The following WAPL variants were observed in gnomAD, a reference collection of about 807,000 sequenced individuals.
WAPL encodes WAPL cohesin release factor.
WAPL carries 5 observed loss-of-function variants against 121.0 expected under a neutral mutation model. That is an observed-to-expected ratio of 0.04 (90% CI 0.02 to 0.09). The LOEUF (loss-of-function observed/expected upper bound fraction) is 0.09. WAPL is among the 10% of genes least tolerant of loss of function. The probability of loss-of-function intolerance (pLI) is 1.00; values close to 1 mark genes in which losing one functional copy is unlikely to be tolerated. For synonymous variants in WAPL, 480 were observed against 481.5 expected (o/e 1.00, Z 0.04); for missense variants, 999 against 1,410.8 (o/e 0.71, Z 4.68).
rs188309048 is a variant in WAPL, at chr10:86,455,970, T to C, written c.2658-2139A>G. On this transcript the variant is annotated intron_variant, in intron 12 of 18. Coordinates refer to ENST00000298767, the MANE Select transcript of WAPL (RefSeq NM_015045.5). ...ACTCTTTATCAGAACTATGAGTCTT[T>C]TTCGCAAGAGAAATTGGATTTACTA... Among the ~76,000 whole-genome samples the C allele has an allele frequency of 2.8e-3, 427 of 152,312 alleles. 2 individuals are homozygous for C. Among genetic ancestry groups the C allele is most frequent in the Middle Eastern group, 0.02 (6 of 294 alleles).
intron 4 of WAPL, among the ~76,000 whole-genome samples, chr10:86,481,311 A>T (rs1841778156): frequency 6.6e-6 from 1 of 152,228 alleles, no homozygotes; most frequent in South Asian, 2.1e-4. Context: ...AAGAAATATT[A>T]CTAAATTTTA....
intron 4 of WAPL, among the ~76,000 whole-genome samples, chr10:86,482,995 G>A (rs188548451): frequency 9.5e-4 from 144 of 152,268 alleles, no homozygotes; most frequent in Non-Finnish European, 1.8e-3. Context: ...ATATGTAACG[G>A]TGGTCTCATA....
intron 2 of WAPL, among the ~76,000 whole-genome samples, chr10:86,501,129 A>G (rs549630170): frequency 6.6e-6 from 1 of 152,238 alleles, no homozygotes; most frequent in Non-Finnish European, 1.5e-5. Flanking sequence ...AAACCAACTG[A>G]ACAGTTAATA....
At chr10:86,493,825 G>T (rs1422421246) in intron 4 of WAPL, among the ~76,000 whole-genome samples, 1 of 152,034 alleles carries the variant, frequency 6.6e-6, no homozygotes, top group Non-Finnish European at 1.5e-5. Flanking sequence ...AACATGATGA[G>T]ACCCTCCCTC....
chr10:86,455,674 A>C (rs570890528), intron 12 of WAPL, among the ~76,000 whole-genome samples: 1 of 147,044 alleles, frequency 6.8e-6, no homozygotes, highest in African/African-American at 2.5e-5. Flanking sequence ...AAGAATGATC[A>C]ATAAATACTA....
rs1022214284 is a variant in WAPL, at chr10:86,460,316, T to C, written c.2580+83A>G. The C allele has an allele frequency of 1.0e-5, 11 of 1,102,286 alleles. No individual in the cohort carries two copies. The South Asian group carries it at 1.3e-4, about 13-fold the overall frequency. The allele number at this position is 1,102,286 out of a possible 1,614,324, so 68.3% of individuals were successfully genotyped here. On this transcript the variant is annotated intron_variant, in intron 11 of 18. Coordinates refer to ENST00000298767, the MANE Select transcript of WAPL (RefSeq NM_015045.5). ...ACAGAAGTGAACCTCCAGGGGTATA[T>C]AAAATATTTGGCAGTCTCTCTCTTA...
At chr10:86,490,559 T>A (rs2132212291) in intron 4 of WAPL, among the ~76,000 whole-genome samples, 1 of 152,134 alleles carries the variant, frequency 6.6e-6, no homozygotes, top group East Asian at 1.9e-4. Flanking sequence ...GAATATAGAA[T>A]TAACATATAA....
At chr10:86,465,798 T>C (rs1407971151) in intron 9 of WAPL, among the ~76,000 whole-genome samples, 1 of 152,228 alleles carries the variant, frequency 6.6e-6, no homozygotes, top group Non-Finnish European at 1.5e-5. Flanking sequence ...CTCTTTGGCC[T>C]CTCAGCTTCC....
intron 4 of WAPL, among the ~76,000 whole-genome samples, chr10:86,474,621 T>C (rs1841610057): frequency 6.6e-6 from 1 of 152,136 alleles, no homozygotes; most frequent in African/African-American, 2.4e-5. Context: ...CCCAGCACTT[T>C]GGGAGAGTGA....
At chr10:86,493,566 G>A (rs911470457) in intron 4 of WAPL, among the ~76,000 whole-genome samples, 2 of 152,072 alleles carry the variant, frequency 1.3e-5, no homozygotes, top group Non-Finnish European at 2.9e-5. Flanking sequence ...GTCTCACTCT[G>A]TTGTCCAGGC....
chr10:86,454,117 G>T (rs1037071055), intron 12 of WAPL, among the ~76,000 whole-genome samples: 8 of 152,094 alleles, frequency 5.3e-5, no homozygotes, highest in Admixed American at 5.2e-4. Flanking sequence ...TTCTCAAACA[G>T]GGCAAATGGT....
intron 4 of WAPL, among the ~76,000 whole-genome samples, chr10:86,491,284 C>T (rs1009935641): frequency 6.6e-6 from 1 of 151,066 alleles, no homozygotes; most frequent in African/African-American, 2.4e-5. Flanking sequence ...GGACCACAGG[C>T]GCCCGCCACC....
In WAPL at chr10:86,517,796, C is replaced by T. The variant is rs1842590122; in HGVS notation, c.274G>A (p.Val92Ile). 1.2e-6 allele frequency: 2 copies of T among 1,614,170 alleles called. No individual in the cohort carries two copies. Among genetic ancestry groups the T allele is most frequent in the Non-Finnish European group, 8.5e-7 (1 of 1,180,018 alleles). ...GATTCTGAATAAGAGGAACACTTAACCTGGGCTAAATTCTTTGAAGAAACT... is the reference window on the plus strand; with the variant it reads ...GATTCTGAATAAGAGGAACACTTAATCTGGGCTAAATTCTTTGAAGAAACT... ...LPVSSKNLAQVKCSSYSESSE... is the reference protein window; with the variant it reads ...LPVSSKNLAQIKCSSYSESSE... Residue 92 changes from valine (V) to isoleucine (I), a missense_variant, in exon 2 of 19, where the codon GTT becomes ATT. By Grantham distance (29) the Val-to-Ile change is conservative (BLOSUM62 3). Coordinates refer to ENST00000298767, the MANE Select transcript of WAPL (RefSeq NM_015045.5).
chr10:86,520,998 C>A (rs1354953467), intron 1 of WAPL, among the ~76,000 whole-genome samples: 1 of 152,016 alleles, frequency 6.6e-6, no homozygotes, highest in Non-Finnish European at 1.5e-5. Context: ...TCCTCCCAAC[C>A]CGCGCCGCCC....
Position 86,483,988 on chromosome 10 carries a change from G to T in WAPL, c.1645-10015C>A, listed in dbSNP as rs534428674. On this transcript the variant is annotated intron_variant, in intron 4 of 18. Transcript: ENST00000298767. Reference sequence around the variant, plus strand: ...CCTGCCTCAACTTCCCCAAGTGCCGGGATTACAGGCGTGAGCCACCGCACC... The same window carrying T: ...CCTGCCTCAACTTCCCCAAGTGCCGTGATTACAGGCGTGAGCCACCGCACC... 1.1e-4 allele frequency among the ~76,000 whole-genome samples: 17 copies of T among 149,860 alleles called. 1 individual carries two copies. The Middle Eastern group carries it at 0.021, about 181-fold the overall frequency.
chr10:86,442,906 G>T (rs748612372), intron 17 of WAPL, among the ~76,000 whole-genome samples: 6 of 152,016 alleles, frequency 3.9e-5, no homozygotes, highest in Non-Finnish European at 8.8e-5. Context: ...AGCCGGGGGC[G>T]GTGGCAGGCG....
At chr10:86,517,356 C>T (rs532551641) in intron 2 of WAPL, among the ~76,000 whole-genome samples, 47 of 152,250 alleles carry the variant, frequency 3.1e-4, no homozygotes, top group African/African-American at 1.1e-3. Context: ...ACGTACCCTG[C>T]GCAACAGTCT....
chr10:86,510,121 C>A (rs1842432100), intron 2 of WAPL, among the ~76,000 whole-genome samples: 1 of 127,190 alleles, frequency 7.9e-6, no homozygotes, highest in Non-Finnish European at 1.6e-5. Context: ...GTTGCCCAGG[C>A]TGGAGTGCAG....
At chr10:86,453,131 GGGTT>G in intron 14 of WAPL, 85 bp downstream of exon 14, 1 of 878,550 alleles carries the variant, frequency 1.1e-6, no homozygotes, top group Non-Finnish European at 1.7e-6. Flanking sequence ...ATATATTAAA[GGGTT>G]GGTTCTTAAA....
Sources: allele counts gnomAD v4.1 joint callset (sites outside exome capture counted in the v4.1 genomes callset), GRCh38; gene constraint gnomAD v4.1.1; transcripts MANE v1.5; gene names NCBI Gene and HGNC (gene_info 2026-07-23, HGNC 2026-07-21).